The following RIC1 variants were observed in gnomAD, a reference collection of about 807,000 sequenced individuals.
The protein encoded by RIC1 is guanine nucleotide exchange factor subunit RIC1.
RIC1 carries 88 observed loss-of-function variants against 169.0 expected under a neutral mutation model. That is an observed-to-expected ratio of 0.52 (90% CI 0.44 to 0.62). The LOEUF (loss-of-function observed/expected upper bound fraction) is 0.62. Among genes scored for constraint, RIC1 ranks in the 20% least tolerant of loss-of-function variants. The pLI is 0.00. For synonymous variants in RIC1, 790 were observed against 601.5 expected, an observed-to-expected ratio of 1.31 and a Z score of -4.59; for missense variants, 1,877 against 1,725.5, an observed-to-expected ratio of 1.09 and a Z score of -1.56.
intron 12 of RIC1, among the ~76,000 whole-genome samples, chr9:5,751,065 CCATT>C (rs1563949515): frequency 6.6e-6 from 1 of 151,266 alleles, no homozygotes; most frequent in Non-Finnish European, 1.5e-5. Context: ...ACTTTGGTTC[CCATT>C]ATTAGAAACT....
rs1250376360 is a variant in RIC1, at chr9:5,769,141, G to T, written c.3309G>T (p.Arg1103=). 1.2e-6 allele frequency: 2 copies of T among 1,614,074 alleles called. No homozygotes were observed. Among genetic ancestry groups the T allele is most frequent in the Non-Finnish European group, 1.7e-6 (2 of 1,179,988 alleles). The change falls in exon 22 of 26, where the codon CGG becomes CGT. Residue 1103 remains arginine (R), a synonymous_variant. Transcript: ENST00000414202. ...WLCKERTRAA[R]VDNFVIALKR... is the part of the protein sequence containing the mutation. ...GCAAGGAACGTACCCGAGCCGCCCG[G>T]GTAGACAACTTTGTAATAGCCCTGA...
rs985213834 is a variant in RIC1 at position 5,772,797 on chromosome 9, A to G, written c.3794+56A>G. 3.8e-6 allele frequency: 6 copies of G among 1,558,784 alleles called. No homozygotes were observed. In the African/African-American group the frequency reaches 4.1e-5, roughly 11 times the overall value. ...ATGCCTACTCAGAGTATTTGGGCAA[A>G]TAGGTATGGGGCTACTCTCCTAATA... On this transcript the variant is annotated intron_variant, in intron 24 of 25. Transcript: ENST00000414202.
intron 2 of RIC1, among the ~76,000 whole-genome samples, chr9:5,671,366 C>A (rs1326524651): frequency 6.6e-6 from 1 of 151,826 alleles, no homozygotes; most frequent in Non-Finnish European, 1.5e-5. Context: ...CCTCCGCCTC[C>A]CAGGTTCAAG....
intron 3 of RIC1, among the ~76,000 whole-genome samples, chr9:5,709,752 G>C (rs1031709217): frequency 1.3e-5 from 2 of 152,102 alleles, no homozygotes; most frequent in Middle Eastern, 3.4e-3. Flanking sequence ...GAATTTTTTT[G>C]TTACTGTAAT....
At chr9:5,722,826 C>A (rs746227224) in intron 6 of RIC1, among the ~76,000 whole-genome samples, 1 of 152,042 alleles carries the variant, frequency 6.6e-6, no homozygotes, top group Non-Finnish European at 1.5e-5. Flanking sequence ...TTTGTCCTTG[C>A]AATAGTTTGC....
At chr9:5,721,648 T>C (rs1048306731) in intron 6 of RIC1, among the ~76,000 whole-genome samples, 2 of 152,218 alleles carry the variant, frequency 1.3e-5, no homozygotes, top group African/African-American at 4.8e-5. Context: ...TCAGGCACTT[T>C]TTGGGCTTGA....
Position 5,753,533 on chromosome 9 carries a change from C to T in RIC1, c.1492-3C>T. 1 of 1,558,026 alleles carries T rather than the reference C, an allele frequency of 6.4e-7. No homozygotes were observed. Among genetic ancestry groups the T allele is most frequent in the Non-Finnish European group, 8.7e-7 (1 of 1,145,990 alleles). ...AAAAGTTCTTATTTTTTTTTTTAAA[C>T]AGTTTTCAGCTATTGATAAGCTTGG... On this transcript the variant is annotated splice_polypyrimidine_tract_variant and splice_region_variant and intron_variant, in intron 13 of 25. Coordinates refer to ENST00000414202, the MANE Select transcript of RIC1 (RefSeq NM_020829.4).
intron 3 of RIC1, among the ~76,000 whole-genome samples, chr9:5,692,990 C>T (rs1464583932): frequency 6.6e-6 from 1 of 152,088 alleles, no homozygotes; most frequent in African/African-American, 2.4e-5. Context: ...AGGATTCAGA[C>T]ATAAGTGTTG....
chr9:5,686,363 A>T (rs1316983820), intron 2 of RIC1, among the ~76,000 whole-genome samples: 3 of 152,106 alleles, frequency 2.0e-5, no homozygotes, highest in Admixed American at 6.6e-5. Context: ...AATAGCAAAG[A>T]CTTGAAACCA....
intron 9 of RIC1, 67 bp from the exon 10 acceptor site, chr9:5,743,622 A>C: frequency 7.9e-7 from 1 of 1,264,676 alleles, no homozygotes; most frequent in Non-Finnish European, 1.1e-6. Context: ...TTTAAAAAAC[A>C]CTAAATTTTA....
chr9:5,708,520 T>A (rs1436196516), intron 3 of RIC1, among the ~76,000 whole-genome samples: 4 of 152,170 alleles, frequency 2.6e-5, no homozygotes, highest in Admixed American at 2.6e-4. Context: ...ATTTCTTTTT[T>A]GTTTTTGAAG....
At chr9:5,696,021 C>T (rs2760415) in intron 3 of RIC1, among the ~76,000 whole-genome samples, 33,905 of 152,064 alleles carry the variant, frequency 0.22, 4,227 homozygotes, top group African/African-American at 0.33. Context: ...TTCTTTGTTT[C>T]TTCCTCTGGA....
chr9:5,722,366 T>A (rs1018402250), intron 6 of RIC1, among the ~76,000 whole-genome samples: 8 of 151,120 alleles, frequency 5.3e-5, no homozygotes, highest in African/African-American at 1.9e-4. Context: ...TGTGTGTGTG[T>A]GTGTGTGTGT....
chr9:5,771,359 CA>C (rs1827209660), intron 23 of RIC1, among the ~76,000 whole-genome samples: 2 of 152,140 alleles, frequency 1.3e-5, no homozygotes, highest in South Asian at 4.1e-4. Flanking sequence ...ATAATGTCCT[CA>C]TGTTCATCCT....
chr9:5,633,923 A>G (rs1214712375), intron 1 of RIC1, among the ~76,000 whole-genome samples: 2 of 152,144 alleles, frequency 1.3e-5, no homozygotes, highest in African/African-American at 4.8e-5. Context: ...GCCCCTGGTA[A>G]TCATCGTTCT....
chr9:5,670,652 G>C (rs1255291482), intron 2 of RIC1, among the ~76,000 whole-genome samples: 3 of 152,212 alleles, frequency 2.0e-5, no homozygotes, highest in African/African-American at 7.2e-5. Context: ...AATGAGCCCA[G>C]ATATATCCAT....
downstream of RIC1, among the ~76,000 whole-genome samples, chr9:5,777,883 AT>A (rs1418950879): frequency 6.6e-6 from 1 of 152,148 alleles, no homozygotes; most frequent in Non-Finnish European, 1.5e-5. Context: ...TTTGTAGGAA[AT>A]TTTGAAAGCG....
Position 5,629,189 on chromosome 9 carries a change from C to T in RIC1, c.-121C>T, listed in dbSNP as rs1223848665. 1 of 1,055,784 alleles carries T rather than the reference C, an allele frequency of 9.5e-7. No homozygotes were observed. Among genetic ancestry groups the T allele is most frequent in the East Asian group, 3.4e-5 (1 of 29,552 alleles). 65.4% of individuals were successfully genotyped at this position (1,055,784 alleles called of 1,614,324 possible). A position where few individuals can be genotyped will look rare whatever the true frequency, so the allele number is the denominator to read the frequency against. On this transcript the variant is annotated 5_prime_UTR_variant, in exon 1 of 26. Transcript: ENST00000414202. Reference sequence around the variant, plus strand: ...CCCGGCCAGGCCAGCGGGCAGATGCCCCGAGCTGCCGCCGCCGCCGCCGCC... The same window carrying T: ...CCCGGCCAGGCCAGCGGGCAGATGCTCCGAGCTGCCGCCGCCGCCGCCGCC...
At chr9:5,736,396 A>G (rs1222302966) in intron 7 of RIC1, among the ~76,000 whole-genome samples, 1 of 152,232 alleles carries the variant, frequency 6.6e-6, no homozygotes, top group Admixed American at 6.5e-5. Context: ...ACATAAGGTA[A>G]CAAGGGACAG....
Sources: allele counts gnomAD v4.1 joint callset (sites outside exome capture counted in the v4.1 genomes callset), GRCh38; gene constraint gnomAD v4.1.1; transcripts MANE v1.5; gene names NCBI Gene and HGNC (gene_info 2026-07-23, HGNC 2026-07-21).